The following DTL variants were observed in gnomAD, a reference collection of about 807,000 sequenced individuals.
DTL encodes denticleless protein homolog.
Under a neutral mutation model 87.0 loss-of-function variants are expected in DTL, and 46 were observed. The observed-to-expected ratio is 0.53, with a 90% CI of 0.42 to 0.68. The LOEUF is 0.68. DTL is among the 30% of genes least tolerant of loss of function. The pLI is 0.00. For missense variants in DTL, 737 were observed against 869.4 expected (o/e 0.85, Z 1.91); for synonymous variants, 308 against 311.2 (o/e 0.99, Z 0.11).
intron 5 of DTL, among the ~76,000 whole-genome samples, chr1:212,056,984 T>C (rs1045984711): frequency 4.6e-5 from 7 of 152,122 alleles, no homozygotes; most frequent in Admixed American, 1.3e-4. Flanking sequence ...TGACTAAAGC[T>C]TTCATGGCAT....
intron 13 of DTL, among the ~76,000 whole-genome samples, chr1:212,084,549 G>T (rs780998347): frequency 4.6e-5 from 7 of 152,116 alleles, no homozygotes; most frequent in Non-Finnish European, 8.8e-5. Context: ...CTACAACAGT[G>T]AATAAGATAA....
chr1:212,042,855 C>T, intron 1 of DTL, 138 bp from the exon 2 acceptor site: 1 of 774,654 alleles, frequency 1.3e-6, no homozygotes, highest in East Asian at 3.1e-5. Flanking sequence ...GAAATGGTGT[C>T]TTCCATAGAT....
At chr1:212,073,146 G>A (rs1158023673) in intron 11 of DTL, among the ~76,000 whole-genome samples, 1 of 152,112 alleles carries the variant, frequency 6.6e-6, no homozygotes, top group African/African-American at 2.4e-5. Flanking sequence ...CTGTCCATTT[G>A]AAGTCCAGTG....
At chr1:212,089,223 A>C (rs1199220401) in intron 13 of DTL, among the ~76,000 whole-genome samples, 1 of 152,244 alleles carries the variant, frequency 6.6e-6, no homozygotes, top group Non-Finnish European at 1.5e-5. Context: ...CTTAAGGTCA[A>C]TAAGGAGTTA....
intron 5 of DTL, among the ~76,000 whole-genome samples, chr1:212,054,688 G>A (rs534540256): frequency 2.6e-5 from 4 of 151,612 alleles, no homozygotes; most frequent in South Asian, 4.2e-4. Flanking sequence ...CCAGCTACTC[G>A]GGAGGCTGAG....
At chr1:212,072,526 A>C (rs1325516581) in intron 11 of DTL, among the ~76,000 whole-genome samples, 1 of 152,184 alleles carries the variant, frequency 6.6e-6, no homozygotes, top group Non-Finnish European at 1.5e-5. Flanking sequence ...AAAACATGCT[A>C]TACTGACTTT....
chr1:212,059,575 A>G (rs952760750), intron 5 of DTL, among the ~76,000 whole-genome samples: 1 of 152,142 alleles, frequency 6.6e-6, no homozygotes. Context: ...CACTGAATCG[A>G]AAAAAGCTGG....
At chr1:212,085,655 T>G (rs549595511) in intron 13 of DTL, among the ~76,000 whole-genome samples, 1 of 151,002 alleles carries the variant, frequency 6.6e-6, no homozygotes, top group South Asian at 2.1e-4. Context: ...TGAAGTTCAG[T>G]TTATCTGTTT....
At chr1:212,101,579 G>A (rs1655627036) in intron 14 of DTL, among the ~76,000 whole-genome samples, 1 of 152,168 alleles carries the variant, frequency 6.6e-6, no homozygotes, top group African/African-American at 2.4e-5. Context: ...AAAATACAGT[G>A]AAACTTAGAT....
At position 212,101,699 on chromosome 1, in the gene DTL, T is replaced by C. The variant is rs1207313786; in HGVS notation, c.2094+615T>C. Among the ~76,000 whole-genome samples the C allele has an allele frequency of 1.3e-5, 2 of 152,242 alleles. 1 individual carries two copies. Among genetic ancestry groups the C allele is most frequent in the Admixed American group, 1.3e-4 (2 of 15,288 alleles). On this transcript the variant is annotated intron_variant, in intron 14 of 14. Transcript: ENST00000366991. ...GTAATACTTTTGACACCTATATCTA[T>C]TCTTTTTAACATTCAGTGTAGTGTC...
At chr1:212,092,535 A>T (rs1655315496) in intron 13 of DTL, among the ~76,000 whole-genome samples, 1 of 133,406 alleles carries the variant, frequency 7.5e-6, no homozygotes, top group South Asian at 2.2e-4. Context: ...GACTCCGTCT[A>T]AAAAAAAAAA....
chr1:212,057,663 A>T (rs1275307055), intron 5 of DTL, among the ~76,000 whole-genome samples: 1 of 152,142 alleles, frequency 6.6e-6, no homozygotes, highest in Non-Finnish European at 1.5e-5. Context: ...AAAGTACCAG[A>T]GAAAGGAAGG....
intron 13 of DTL, among the ~76,000 whole-genome samples, chr1:212,090,316 A>G (rs1027819599): frequency 6.6e-6 from 1 of 152,234 alleles, no homozygotes; most frequent in Non-Finnish European, 1.5e-5. Context: ...AAAGGACAGG[A>G]TAATTAACTG....
chr1:212,102,785 A>C, intron 14 of DTL, 57 bp from the exon 15 acceptor site: 1 of 1,249,526 alleles, frequency 8.0e-7, no homozygotes, highest in Non-Finnish European at 1.2e-6. Context: ...CTTAGTAATA[A>C]CTTAGTAACA....
chr1:212,047,562 T>C (rs1667842700), intron 5 of DTL, 145 bp downstream of exon 5: 9 of 1,165,570 alleles, frequency 7.7e-6, no homozygotes, highest in African/African-American at 1.5e-5. Flanking sequence ...GGAGACAGTT[T>C]CGTTCTGTTG....
intron 5 of DTL, among the ~76,000 whole-genome samples, chr1:212,059,986 C>CTATAAGGA (rs1668293589): frequency 6.6e-6 from 1 of 151,848 alleles, no homozygotes; most frequent in Non-Finnish European, 1.5e-5. Flanking sequence ...TGAAAGACCT[C>CTATAAGGA]TATAAGGAAA....
At chr1:212,094,618 TTTTTTCTAGTTCTGTG>T (rs1357876303) in intron 13 of DTL, among the ~76,000 whole-genome samples, 4 of 152,178 alleles carry the variant, frequency 2.6e-5, no homozygotes. Context: ...TTTCAGATTG[TTTTTTCTAGTTCTGTG>T]AAGAACGATG....
At chr1:212,098,022 G>A (rs149343671) in intron 13 of DTL, among the ~76,000 whole-genome samples, 2 of 152,258 alleles carry the variant, frequency 1.3e-5, no homozygotes, top group East Asian at 3.9e-4. Context: ...CAGAGCTACT[G>A]GGTTCTAGGC....
At chr1:212,052,564 G>A (rs1668020859) in intron 5 of DTL, among the ~76,000 whole-genome samples, 1 of 150,970 alleles carries the variant, frequency 6.6e-6, no homozygotes, top group African/African-American at 2.4e-5. Flanking sequence ...TTGAACCTGG[G>A]AGGCGGAGGT....
Sources: allele counts gnomAD v4.1 joint callset (sites outside exome capture counted in the v4.1 genomes callset), GRCh38; gene constraint gnomAD v4.1.1; transcripts MANE v1.5; gene names NCBI Gene and HGNC (gene_info 2026-07-23, HGNC 2026-07-21).